Variants in CDH12 observed in about 807,000 individuals in gnomAD.
The protein encoded by CDH12 is cadherin-12.
A neutral mutation model predicts 74.1 loss-of-function variants in CDH12; 41 were observed. That is an observed-to-expected ratio of 0.55 (90% confidence interval 0.43 to 0.72). The LOEUF (loss-of-function observed/expected upper bound fraction) is 0.72. Among genes scored for constraint, CDH12 ranks in the 30% least tolerant of loss-of-function variants. CDH12 has a pLI of 0.00. For missense variants in CDH12, 945 were observed against 977.2 expected (o/e 0.97, Z 0.44); for synonymous variants, 399 against 355.0 (o/e 1.12, Z -1.39).
intron 4 of CDH12, among the ~76,000 whole-genome samples, chr5:22,138,894 T>C (rs1219985131): frequency 2.0e-5 from 2 of 99,312 alleles, no homozygotes; most frequent in East Asian, 2.6e-4. Context: ...GACTCATCGA[T>C]GTACATGAAG....
At chr5:22,212,746 G>C (rs553902157) in intron 3 of CDH12, 103 bp from the exon 4 acceptor site, 1 of 296,686 alleles carries the variant, frequency 3.4e-6, no homozygotes, top group Non-Finnish European at 5.0e-6. Context: ...AGCGTGCTCC[G>C]TTTGGAGGCT....
At chr5:21,922,538 G>T (rs1754399888) in intron 6 of CDH12, among the ~76,000 whole-genome samples, 2 of 152,034 alleles carry the variant, frequency 1.3e-5, no homozygotes, top group South Asian at 4.1e-4. Context: ...TATACACAAG[G>T]TCAATTCTCT....
intron 5 of CDH12, among the ~76,000 whole-genome samples, chr5:22,024,817 A>T (rs1347633026): frequency 6.6e-6 from 1 of 152,166 alleles, no homozygotes; most frequent in Non-Finnish European, 1.5e-5. Flanking sequence ...CCTGGCCAAA[A>T]GCAAATTAAA....
At chr5:22,594,164 A>G (rs1045410622) in intron 1 of CDH12, among the ~76,000 whole-genome samples, 1 of 152,176 alleles carries the variant, frequency 6.6e-6, no homozygotes, top group African/African-American at 2.4e-5. Flanking sequence ...CAAATCTGAT[A>G]TTTGGCAGGT....
At chr5:22,181,830 C>T (rs1749662041) in intron 4 of CDH12, among the ~76,000 whole-genome samples, 1 of 152,018 alleles carries the variant, frequency 6.6e-6, no homozygotes, top group Non-Finnish European at 1.5e-5. Flanking sequence ...TTCCTCTCTG[C>T]CCCATGCCAT....
chr5:22,674,615 AG>A (rs1741072093), intron 1 of CDH12, among the ~76,000 whole-genome samples: 2 of 152,214 alleles, frequency 1.3e-5, no homozygotes, highest in Non-Finnish European at 2.9e-5. Flanking sequence ...TGGAGGGCTC[AG>A]AAGAAGAGAG....
intron 1 of CDH12, among the ~76,000 whole-genome samples, chr5:22,750,690 G>C (rs549340518): frequency 6.6e-6 from 1 of 152,092 alleles, no homozygotes; most frequent in East Asian, 1.9e-4. Context: ...GGATACTGAT[G>C]ACACAGTTAA....
intron 3 of CDH12, among the ~76,000 whole-genome samples, chr5:22,310,002 G>T (rs1402639674): frequency 5.7e-4 from 84 of 146,150 alleles, no homozygotes; most frequent in Non-Finnish European, 1.0e-3. Flanking sequence ...GGCTGTTGGG[G>T]GGTGGGGGGC....
chr5:22,607,557 A>C (rs1737180792), intron 1 of CDH12, among the ~76,000 whole-genome samples: 1 of 152,196 alleles, frequency 6.6e-6, no homozygotes, highest in African/African-American at 2.4e-5. Context: ...ATGGAAACGA[A>C]TGGCCCCCAT....
At chr5:22,769,961 C>T (rs1414486100) in intron 1 of CDH12, among the ~76,000 whole-genome samples, 1 of 151,840 alleles carries the variant, frequency 6.6e-6, no homozygotes, top group East Asian at 1.9e-4. Context: ...CACGCACGGA[C>T]ACACATATGT....
At chr5:22,005,316 T>G (rs1427306630) in intron 5 of CDH12, among the ~76,000 whole-genome samples, 1 of 152,216 alleles carries the variant, frequency 6.6e-6, no homozygotes, top group Non-Finnish European at 1.5e-5. Flanking sequence ...GTGCTGGGAT[T>G]ACAGGCATGA....
At chr5:21,787,363 A>C (rs142729366) in intron 10 of CDH12, among the ~76,000 whole-genome samples, 1 of 152,320 alleles carries the variant, frequency 6.6e-6, no homozygotes, top group Non-Finnish European at 1.5e-5. Context: ...TCTACCAGCA[A>C]ACAAGATTAC....
intron 6 of CDH12, among the ~76,000 whole-genome samples, chr5:21,871,659 G>A (rs774486138): frequency 2.6e-5 from 4 of 152,092 alleles, no homozygotes; most frequent in Admixed American, 6.5e-5. Flanking sequence ...CCCAGGAGGC[G>A]TAGGTTGCAA....
intron 1 of CDH12, among the ~76,000 whole-genome samples, chr5:22,623,148 TA>T (rs1412074189): frequency 1.1e-4 from 17 of 152,102 alleles, no homozygotes; most frequent in Admixed American, 2.6e-4. Flanking sequence ...CTCAATAAAT[TA>T]GGTATTGATG....
chr5:22,739,099 A>G (rs754202562), intron 1 of CDH12, among the ~76,000 whole-genome samples: 21 of 151,986 alleles, frequency 1.4e-4, no homozygotes, highest in Non-Finnish European at 2.1e-4. Flanking sequence ...TAAAGCTCAA[A>G]TGTCACTAAA....
At chr5:22,478,737 A>G (rs1177605217) in intron 2 of CDH12, among the ~76,000 whole-genome samples, 1 of 152,082 alleles carries the variant, frequency 6.6e-6, no homozygotes, top group African/African-American at 2.4e-5. Flanking sequence ...TGGATTTAAA[A>G]TCGCAAAGTG....
intron 5 of CDH12, among the ~76,000 whole-genome samples, chr5:22,047,010 A>T (rs1371207110): frequency 6.6e-6 from 1 of 152,154 alleles, no homozygotes; most frequent in Non-Finnish European, 1.5e-5. Flanking sequence ...GTTTGGTGGC[A>T]TCTCCCCAAC....
chr5:22,625,861 C>A (rs1259118807), intron 1 of CDH12, among the ~76,000 whole-genome samples: 2 of 152,134 alleles, frequency 1.3e-5, no homozygotes, highest in African/African-American at 4.8e-5. Flanking sequence ...AGCATCCCCC[C>A]CACAGTAGCC....
chr5:22,301,323 G>T (rs1365256248), intron 3 of CDH12, among the ~76,000 whole-genome samples: 1 of 152,094 alleles, frequency 6.6e-6, no homozygotes, highest in African/African-American at 2.4e-5. Flanking sequence ...CTATCCACCT[G>T]GCACAGGTCA....
Sources: allele counts gnomAD v4.1 joint callset (sites outside exome capture counted in the v4.1 genomes callset), GRCh38; gene constraint gnomAD v4.1.1; transcripts MANE v1.5; gene names NCBI Gene and HGNC (gene_info 2026-07-23, HGNC 2026-07-21).